The following RPS6KC1 variants were observed in gnomAD, a reference collection of about 807,000 sequenced individuals.
The protein encoded by RPS6KC1 is inactive ribosomal protein S6 kinase delta-1.
Under a neutral mutation model 103.8 loss-of-function variants are expected in RPS6KC1, and 54 were observed. The ratio of observed to expected loss-of-function variants is 0.52; its 90% CI spans 0.42 to 0.65. RPS6KC1 has a LOEUF of 0.65. Ranked by LOEUF, RPS6KC1 falls within the 30% of genes least tolerant of loss-of-function variation. The pLI, the probability that RPS6KC1 is intolerant of heterozygous loss-of-function variation, is 0.00. For synonymous variants in RPS6KC1, 439 were observed against 438.7 expected (o/e 1.00, Z -0.01); for missense variants, 1,151 against 1,253.8 (o/e 0.92, Z 1.24).
chr1:213,316,700 AGTGTGTGTGTGTGT>A, the RPS6KC1 span, among the ~76,000 whole-genome samples: 1 of 144,430 alleles, frequency 6.9e-6, no homozygotes, highest in Non-Finnish European at 1.5e-5. Flanking sequence ...TAGGGCATGC[AGTGTGTGTGTGTGT>A]GTGTGTGTGT....
intron 8 of RPS6KC1, among the ~76,000 whole-genome samples, chr1:213,206,441 T>C (rs2093351679): frequency 6.6e-6 from 1 of 152,218 alleles, no homozygotes; most frequent in African/African-American, 2.4e-5. Flanking sequence ...TATTACAGTA[T>C]ATCAGACATG....
chr1:213,602,192 C>CTTTCTTTTTT, the RPS6KC1 span, among the ~76,000 whole-genome samples: 1 of 51,418 alleles, frequency 1.9e-5, no homozygotes, highest in Non-Finnish European at 3.4e-5. Flanking sequence ...CTTTCTTTTT[C>CTTTCTTTTTT]CCTCCCTCCC....
intron 3 of RPS6KC1, among the ~76,000 whole-genome samples, chr1:213,082,430 C>CA (rs1347092338): frequency 1.3e-5 from 2 of 151,236 alleles, no homozygotes; most frequent in Non-Finnish European, 3.0e-5. Context: ...GACTCCATCC[C>CA]AAAAAAATAA....
the RPS6KC1 span, among the ~76,000 whole-genome samples, chr1:213,561,743 C>T: frequency 6.6e-6 from 1 of 152,182 alleles, no homozygotes; most frequent in African/African-American, 2.4e-5. Context: ...TAACCCAGCC[C>T]CACTGAGCAG....
chr1:213,104,563 T>C lies in RPS6KC1; in HGVS notation c.372T>C (p.Phe124=), dbSNP rs767065274. Residue 124 remains phenylalanine, a synonymous_variant, in exon 4 of 15, where the codon TTT becomes TTC. Transcript: ENST00000366960. ...ALYNSKQLED[F]FKGGIINDSS... ...ACAATAGTAAACAGCTTGAAGACTT[T>C]TTCAAGGTTTGGTAGTCTTTCTGGA... is the stretch of plus-strand genomic sequence containing the variant. The C allele has an allele frequency of 7.1e-6, 11 of 1,555,194 alleles. No homozygotes were observed. Among genetic ancestry groups the C allele is most frequent in the Non-Finnish European group, 9.7e-6 (11 of 1,132,400 alleles).
chr1:213,622,252 A>G, the RPS6KC1 span, among the ~76,000 whole-genome samples: 2 of 55,802 alleles, frequency 3.6e-5, no homozygotes, highest in Non-Finnish European at 7.3e-5. Flanking sequence ...TTTTTTTTTA[A>G]GCTCTGAAGT....
At chr1:213,813,773 C>T in the RPS6KC1 span, among the ~76,000 whole-genome samples, 86 of 152,110 alleles carry the variant, frequency 5.7e-4, no homozygotes, top group Non-Finnish European at 2.5e-4. Flanking sequence ...CTAATCTCTA[C>T]GAGAGGAGCA....
At chr1:213,716,516 G>A in the RPS6KC1 span, among the ~76,000 whole-genome samples, 1 of 152,130 alleles carries the variant, frequency 6.6e-6, no homozygotes, top group African/African-American at 2.4e-5. Flanking sequence ...TTCTTGAGCA[G>A]AATCTTATTG....
the RPS6KC1 span, among the ~76,000 whole-genome samples, chr1:213,478,309 T>G: frequency 6.6e-6 from 1 of 152,220 alleles, no homozygotes; most frequent in African/African-American, 2.4e-5. Flanking sequence ...GTAATTAAGC[T>G]GTTATAAATA....
At chr1:213,517,477 T>G in the RPS6KC1 span, among the ~76,000 whole-genome samples, 31 of 152,362 alleles carry the variant, frequency 2.0e-4, no homozygotes, top group African/African-American at 7.2e-4. Flanking sequence ...TGCCTTCATT[T>G]CGTTATGTAC....
chr1:213,647,863 T>A, the RPS6KC1 span, among the ~76,000 whole-genome samples: 1 of 152,160 alleles, frequency 6.6e-6, no homozygotes, highest in Non-Finnish European at 1.5e-5. Context: ...GAAAAAGTAA[T>A]CATTTTATTT....
At chr1:213,301,698 CTTATTTATTTATTTAT>C in the RPS6KC1 span, among the ~76,000 whole-genome samples, 459 of 141,252 alleles carry the variant, frequency 3.2e-3, 4 homozygotes, top group African/African-American at 8.4e-3. Context: ...GACCCATTTA[CTTATTTATTTATTTAT>C]TTATTTATTT....
the RPS6KC1 span, among the ~76,000 whole-genome samples, chr1:213,450,339 T>G: frequency 1.3e-5 from 2 of 152,154 alleles, no homozygotes; most frequent in Non-Finnish European, 2.9e-5. Context: ...GTAGATTTTT[T>G]TTTTTTTTTT....
chr1:213,376,876 A>G, the RPS6KC1 span, among the ~76,000 whole-genome samples: 1 of 152,172 alleles, frequency 6.6e-6, no homozygotes, highest in African/African-American at 2.4e-5. Flanking sequence ...AAGTAGTGCG[A>G]GATAATACAG....
At chr1:213,187,727 CCT>C (rs772206756) in intron 8 of RPS6KC1, among the ~76,000 whole-genome samples, 7 of 150,850 alleles carry the variant, frequency 4.6e-5, no homozygotes, top group Non-Finnish European at 8.9e-5. Flanking sequence ...GTCATGGTTC[CCT>C]GTTTGCTGTT....
the RPS6KC1 span, among the ~76,000 whole-genome samples, chr1:213,328,504 C>CCATATATATATA: frequency 6.1e-4 from 62 of 101,444 alleles, no homozygotes; most frequent in Non-Finnish European, 1.1e-3. Context: ...AGCCATTATA[C>CCATATATATATA]TATATATATA....
Position 213,105,991 on chromosome 1 carries a change from A to G in RPS6KC1, c.378+1422A>G, listed in dbSNP as rs188917783. Among the ~76,000 whole-genome samples, 16 of 152,358 alleles carry G rather than the reference A, an allele frequency of 1.1e-4. No individual in the cohort carries two copies. The East Asian group carries it at 2.1e-3, about 20-fold the overall frequency. ...TTAAATACTTTAAACAATTTAAGTA[A>G]AAGTTAGCTGTTCATTGTATTTCTT... On this transcript the variant is annotated intron_variant, in intron 4 of 14. Coordinates refer to ENST00000366960, the MANE Select transcript of RPS6KC1 (RefSeq NM_012424.6).
chr1:213,080,144 C>T (rs2079737021), intron 3 of RPS6KC1, among the ~76,000 whole-genome samples: 1 of 151,864 alleles, frequency 6.6e-6, no homozygotes, highest in Non-Finnish European at 1.5e-5. Flanking sequence ...TCTTGAACTC[C>T]TGACCTCAGG....
the RPS6KC1 span, among the ~76,000 whole-genome samples, chr1:213,612,287 A>T: frequency 6.6e-6 from 1 of 152,264 alleles, no homozygotes; most frequent in African/African-American, 2.4e-5. Context: ...TGCAGGGTTC[A>T]ATTAGAACTC....
Sources: gnomAD v4.1 joint callset for allele counts (sites outside exome capture counted in the v4.1 genomes callset) on GRCh38, gnomAD v4.1.1 for gene constraint, MANE v1.5 for transcripts, NCBI Gene and HGNC (gene_info 2026-07-23, HGNC 2026-07-21) for gene names.